The following ZNF512 variants were observed in gnomAD, a reference collection of about 807,000 sequenced individuals.
ZNF512 encodes zinc finger protein 512.
A neutral mutation model predicts 77.5 loss-of-function variants in ZNF512; 25 were observed. The observed-to-expected ratio is 0.32, with a 90% CI of 0.23 to 0.45. The LOEUF is 0.45. Ranked by LOEUF, ZNF512 falls within the 20% of genes least tolerant of loss-of-function variation. ZNF512 has a pLI of 1.00. For synonymous variants in ZNF512, 246 were observed against 239.9 expected, an observed-to-expected ratio of 1.03 and a Z score of -0.24; for missense variants, 483 against 692.6, an observed-to-expected ratio of 0.70 and a Z score of 3.40.
chr2:27,598,288 C>T, intron 3 of ZNF512, 34 bp downstream of exon 3: 1 of 1,571,014 alleles, frequency 6.4e-7, no homozygotes, highest in Non-Finnish European at 8.7e-7. Flanking sequence ...TGAAGACGGG[C>T]CACTTCCTAA....
At chr2:27,604,046 C>G (rs1280507241) in intron 9 of ZNF512, among the ~76,000 whole-genome samples, 4 of 152,150 alleles carry the variant, frequency 2.6e-5, no homozygotes, top group Admixed American at 6.5e-5. Flanking sequence ...CCTACTTCAG[C>G]TTCCCGAGTA....
intron 2 of ZNF512, among the ~76,000 whole-genome samples, chr2:27,594,950 G>C (rs13010586): frequency 6.6e-6 from 1 of 151,992 alleles, no homozygotes; most frequent in South Asian, 2.1e-4. Context: ...TCAACACGGC[G>C]AAACCCCGTC....
intron 2 of ZNF512, among the ~76,000 whole-genome samples, chr2:27,590,621 T>A (rs555466365): frequency 1.0e-3 from 152 of 152,318 alleles, no homozygotes; most frequent in African/African-American, 3.6e-3. Flanking sequence ...TGTTTTTTGT[T>A]CCTGTGTTTC....
At chr2:27,602,618 G>A (rs1239800787) in intron 8 of ZNF512, 57 bp downstream of exon 8, 35 of 1,473,856 alleles carry the variant, frequency 2.4e-5, no homozygotes, top group Admixed American at 1.5e-4. Context: ...AATGTCTTTC[G>A]TTCTTCTTTC....
Position 27,607,840 on chromosome 2 carries a change from T to C in ZNF512, c.937-5T>C, listed in dbSNP as rs763975638. The C allele has an allele frequency of 6.2e-7, 1 of 1,614,090 alleles. No individual in the cohort carries two copies. The highest frequency in any genetic ancestry group is 8.5e-7 in the Non-Finnish European group (1 of 1,179,972). On this transcript the variant is annotated splice_region_variant and splice_polypyrimidine_tract_variant and intron_variant, in intron 9 of 13. Transcript: ENST00000355467. ...CCTGTGTTTTGCTGTGTCTCATTCT[T>C]GCAGATATCCTTCTTTCCAGAGTCA...
At chr2:27,620,143 T>C (rs1307736164) in intron 13 of ZNF512, among the ~76,000 whole-genome samples, 3 of 152,254 alleles carry the variant, frequency 2.0e-5, no homozygotes, top group African/African-American at 7.2e-5. Flanking sequence ...ATGTTAATAA[T>C]TATTAAGCCC....
chr2:27,607,786 A>G, intron 9 of ZNF512, 59 bp from the exon 10 acceptor site: 1 of 1,548,906 alleles, frequency 6.5e-7, no homozygotes, highest in Non-Finnish European at 8.9e-7. Flanking sequence ...GCCTTTAATC[A>G]CTGGCTGTGA....
chr2:27,610,820 C>T (rs34016998), intron 10 of ZNF512, among the ~76,000 whole-genome samples: 35,626 of 150,890 alleles, frequency 0.24, 5,512 homozygotes, highest in East Asian at 0.49. Flanking sequence ...AATTCGCCTG[C>T]CTCGGCCTCC....
intron 4 of ZNF512, 107 bp downstream of exon 4, chr2:27,599,785 C>A: frequency 8.4e-7 from 1 of 1,195,044 alleles, no homozygotes; most frequent in East Asian, 2.5e-5. Flanking sequence ...GACCTCTGAG[C>A]CCTTTGAATT....
intron 2 of ZNF512, among the ~76,000 whole-genome samples, chr2:27,590,488 T>A (rs1671524934): frequency 2.0e-5 from 3 of 152,240 alleles, no homozygotes; most frequent in Non-Finnish European, 1.5e-5. Context: ...AGGGTATCAC[T>A]TTTTATTTTA....
intron 5 of ZNF512, 83 bp from the exon 6 acceptor site, chr2:27,600,608 T>TA (rs1428881964): frequency 6.6e-7 from 1 of 1,514,118 alleles, no homozygotes; most frequent in African/African-American, 1.4e-5. Context: ...CATTTTATGA[T>TA]ACTTTTCCTA....
At chr2:27,592,667 CTTTTTTTTTTTTTTTTTTT>C (rs139890307) in intron 2 of ZNF512, among the ~76,000 whole-genome samples, 3 of 81,558 alleles carry the variant, frequency 3.7e-5, no homozygotes, top group Non-Finnish European at 7.0e-5. Context: ...CCATGTTTAC[CTTTTTTTTTTTTTTTTTTT>C]TTTTTTTTTT....
intron 11 of ZNF512, 98 bp from the exon 12 acceptor site, chr2:27,616,164 C>A: frequency 1.3e-6 from 1 of 789,174 alleles, no homozygotes; most frequent in Non-Finnish European, 2.0e-6. Context: ...TATTGGTTTT[C>A]TTCCTTCAAA....
chr2:27,600,432 C>T (rs572654505), intron 5 of ZNF512, among the ~76,000 whole-genome samples: 2 of 152,216 alleles, frequency 1.3e-5, no homozygotes, highest in East Asian at 1.9e-4. Context: ...AATGTTGCTG[C>T]CTAATTCTTG....
intron 13 of ZNF512, 28 bp downstream of exon 13, chr2:27,617,599 G>C: frequency 1.2e-6 from 1 of 839,910 alleles, no homozygotes; most frequent in Non-Finnish European, 2.1e-6. Flanking sequence ...CTGTGGGCCT[G>C]ATATGTAAGC....
At chr2:27,619,927 C>T (rs922192337) in intron 13 of ZNF512, among the ~76,000 whole-genome samples, 5 of 151,964 alleles carry the variant, frequency 3.3e-5, no homozygotes, top group African/African-American at 1.2e-4. Flanking sequence ...TATCATATGT[C>T]TAGTTATTAT....
At chr2:27,584,667 A>C (rs939639679) in intron 2 of ZNF512, among the ~76,000 whole-genome samples, 2 of 152,234 alleles carry the variant, frequency 1.3e-5, no homozygotes, top group African/African-American at 4.8e-5. Context: ...GGTCACTCCT[A>C]AGTAGAAACT....
chr2:27,584,813 A>G (rs1671256028), intron 2 of ZNF512, among the ~76,000 whole-genome samples: 1 of 152,180 alleles, frequency 6.6e-6, no homozygotes, highest in Non-Finnish European at 1.5e-5. Flanking sequence ...GAGGGATTGC[A>G]GGGAGAGCGT....
At chr2:27,617,696 G>A in intron 13 of ZNF512, 125 bp downstream of exon 13, 1 of 594,938 alleles carries the variant, frequency 1.7e-6, no homozygotes, top group East Asian at 2.7e-5. Flanking sequence ...AGCCATTAGA[G>A]TTAAAATATT....
Sources: gnomAD v4.1 joint callset for allele counts (sites outside exome capture counted in the v4.1 genomes callset) on GRCh38, gnomAD v4.1.1 for gene constraint, MANE v1.5 for transcripts, NCBI Gene and HGNC (gene_info 2026-07-23, HGNC 2026-07-21) for gene names.